Variants in B4GALNT3 observed in about 807,000 individuals in gnomAD.
The protein encoded by B4GALNT3 is beta-1,4-N-acetyl-galactosaminyltransferase 3.
A neutral mutation model predicts 120.2 loss-of-function variants in B4GALNT3; 86 were observed. The ratio of observed to expected loss-of-function variants is 0.72; its 90% CI spans 0.60 to 0.86. The LOEUF (loss-of-function observed/expected upper bound fraction) is 0.86. Ranked by LOEUF, B4GALNT3 falls within the 40% of genes least tolerant of loss-of-function variation. The pLI is 0.00. For missense variants in B4GALNT3, 1,167 were observed against 1,298.9 expected, an observed-to-expected ratio of 0.90 and a Z score of 1.56; for synonymous variants, 518 against 510.4, an observed-to-expected ratio of 1.01 and a Z score of -0.20.
intron 6 of B4GALNT3, among the ~76,000 whole-genome samples, chr12:546,302 A>G (rs988619398): frequency 2.9e-4 from 43 of 149,992 alleles, no homozygotes; most frequent in Non-Finnish European, 6.1e-4. Context: ...GCGGACAGGG[A>G]GGAGTGGGGA....
intron 1 of B4GALNT3, among the ~76,000 whole-genome samples, chr12:496,598 C>CA (rs1480529352): frequency 1.3e-5 from 2 of 151,314 alleles, no homozygotes; most frequent in Admixed American, 6.6e-5. Context: ...GACTCCATCT[C>CA]AAAAAAAATA....
chr12:554,715 G>A (rs12818582), intron 14 of B4GALNT3, among the ~76,000 whole-genome samples: 9 of 141,716 alleles, frequency 6.4e-5, no homozygotes, highest in Admixed American at 2.2e-4. Context: ...GCGTGAACCC[G>A]GGAGGCGGAG....
intron 7 of B4GALNT3, among the ~76,000 whole-genome samples, chr12:547,426 C>T (rs1006803066): frequency 2.6e-5 from 4 of 152,094 alleles, no homozygotes; most frequent in Non-Finnish European, 4.4e-5. Flanking sequence ...ACTCATCCTA[C>T]GCATGCAACA....
Position 553,661 on chromosome 12 carries a change from C to G in B4GALNT3, c.1738C>G (p.Pro580Ala). The G allele has an allele frequency of 6.2e-7, 1 of 1,614,010 alleles. No individual in the cohort carries two copies. Among genetic ancestry groups the G allele is most frequent in the Non-Finnish European group, 8.5e-7 (1 of 1,179,910 alleles). The change falls in exon 14 of 20, where the codon CCT becomes GCT. Residue 580 changes from proline to alanine, a missense_variant. This residue lies in a region of B4GALNT3 where 983 missense variants were observed against 1,102.5 expected (regional missense o/e 0.89). Coordinates refer to ENST00000266383, the MANE Select transcript of B4GALNT3 (RefSeq NM_173593.4). The part of the protein sequence containing the change: ...AEQRRGDRMR[P>A]QAPGRGWHGE... ...GCAGAGACGGGGTGACAGGATGCGGCCTCAGGCCCCTGGAAGGGGCTGGCA... is the reference window on the plus strand; with the variant it reads ...GCAGAGACGGGGTGACAGGATGCGGGCTCAGGCCCCTGGAAGGGGCTGGCA...
At chr12:478,335 A>G (rs1351565615) in intron 1 of B4GALNT3, among the ~76,000 whole-genome samples, 1 of 151,662 alleles carries the variant, frequency 6.6e-6, no homozygotes, top group African/African-American at 2.4e-5. Context: ...TGAGAATTCA[A>G]TTTTGCTTTG....
intron 3 of B4GALNT3, among the ~76,000 whole-genome samples, chr12:538,448 A>G (rs1432118060): frequency 6.6e-6 from 1 of 150,908 alleles, no homozygotes; most frequent in Non-Finnish European, 1.5e-5. Context: ...GGTCCCAGCT[A>G]CTTGGGGGGC....
chr12:520,629 A>ATTATC, intron 1 of B4GALNT3, among the ~76,000 whole-genome samples: 1 of 152,392 alleles, frequency 6.6e-6, no homozygotes, highest in East Asian at 1.9e-4. Context: ...ATCAGTAGAA[A>ATTATC]TTATCTTATG....
chr12:543,104 C>A (rs1476665482), intron 3 of B4GALNT3: 14 of 1,289,064 alleles, frequency 1.1e-5, no homozygotes, highest in Non-Finnish European at 1.4e-5. Flanking sequence ...ACACCAGCCC[C>A]CTTCCTGCAT....
chr12:472,536 C>T (rs1220340229), intron 1 of B4GALNT3, among the ~76,000 whole-genome samples: 1 of 152,230 alleles, frequency 6.6e-6, no homozygotes, highest in Non-Finnish European at 1.5e-5. Flanking sequence ...CTCCCGGGTT[C>T]ACGCCATTCT....
At chr12:541,233 C>T (rs979989945) in intron 3 of B4GALNT3, among the ~76,000 whole-genome samples, 7 of 152,242 alleles carry the variant, frequency 4.6e-5, no homozygotes, top group African/African-American at 1.7e-4. Flanking sequence ...GATGCCCTCC[C>T]CTCTCCCAAG....
intron 1 of B4GALNT3, among the ~76,000 whole-genome samples, chr12:494,359 T>C (rs1330216840): frequency 3.3e-5 from 5 of 151,638 alleles, no homozygotes; most frequent in African/African-American, 1.2e-4. Flanking sequence ...GTAAAGACTC[T>C]TAGCTTCATC....
rs1178680460 is a variant in B4GALNT3 at position 544,326 on chromosome 12, C to T, written c.352-13C>T. 2 of 1,612,606 alleles carry T rather than the reference C, an allele frequency of 1.2e-6. No individual in the cohort carries two copies. The highest frequency in any genetic ancestry group is 1.1e-5 in the South Asian group (1 of 91,088). ...GCTCACGCTCACTCACCACTGGCGTCTCCGCCCTGCAGTTCCGGGGCCGTG... is the reference window on the plus strand; with the variant it reads ...GCTCACGCTCACTCACCACTGGCGTTTCCGCCCTGCAGTTCCGGGGCCGTG... On this transcript the variant is annotated splice_polypyrimidine_tract_variant and intron_variant, in intron 3 of 19. Coordinates refer to ENST00000266383, the MANE Select transcript of B4GALNT3 (RefSeq NM_173593.4).
intron 1 of B4GALNT3, among the ~76,000 whole-genome samples, chr12:476,649 C>T (rs2120455727): frequency 6.6e-6 from 1 of 152,266 alleles, no homozygotes; most frequent in Admixed American, 6.5e-5. Flanking sequence ...CTAGTATGTG[C>T]CCAGAATTGA....
chr12:489,326 T>TAA (rs200845116), intron 1 of B4GALNT3, among the ~76,000 whole-genome samples: 69 of 112,706 alleles, frequency 6.1e-4, no homozygotes, highest in Admixed American at 2.4e-3. Flanking sequence ...TCCCAGAACT[T>TAA]AAAAAAAAAA....
chr12:477,594 G>C (rs1442368524), intron 1 of B4GALNT3, among the ~76,000 whole-genome samples: 1 of 152,208 alleles, frequency 6.6e-6, no homozygotes, highest in African/African-American at 2.4e-5. Context: ...CCAGTGTACA[G>C]CTTCTTAAAT....
chr12:541,831 C>A (rs1480793558), intron 3 of B4GALNT3, among the ~76,000 whole-genome samples: 23 of 88,056 alleles, frequency 2.6e-4, no homozygotes, highest in African/African-American at 1.7e-4. Flanking sequence ...CCTGCCCAGT[C>A]CCCCCCCTCA....
intron 1 of B4GALNT3, among the ~76,000 whole-genome samples, chr12:525,620 G>A (rs376340146): frequency 5.9e-5 from 9 of 152,194 alleles, no homozygotes; most frequent in East Asian, 1.9e-4. Context: ...TATGGAAACC[G>A]CCTCCCTCCT....
intron 11 of B4GALNT3, 76 bp downstream of exon 11, chr12:551,107 G>A: frequency 3.2e-6 from 4 of 1,265,618 alleles, no homozygotes; most frequent in South Asian, 2.6e-5. Flanking sequence ...GGGAGGTGGT[G>A]AGGCTGACTT....
chr12:488,041 C>T (rs187356295), intron 1 of B4GALNT3, among the ~76,000 whole-genome samples: 72 of 152,168 alleles, frequency 4.7e-4, no homozygotes, highest in Admixed American at 4.6e-3. Flanking sequence ...CATCTGACTT[C>T]TCAGAAACCG....
Sources: allele counts gnomAD v4.1 joint callset (sites outside exome capture counted in the v4.1 genomes callset), GRCh38; gene constraint gnomAD v4.1.1; regional missense constraint gnomAD v4.1.1; transcripts MANE v1.5; gene names NCBI Gene and HGNC (gene_info 2026-07-23, HGNC 2026-07-21).